The following PISD variants were observed in gnomAD, a reference collection of about 807,000 sequenced individuals.
PISD encodes the protein phosphatidylserine decarboxylase.
Under a neutral mutation model 43.5 loss-of-function variants are expected in PISD, and 31 were observed. That is an observed-to-expected ratio of 0.71 (90% CI 0.54 to 0.96). PISD has a LOEUF of 0.96. PISD is among the 40% of genes least tolerant of loss of function. The probability of loss-of-function intolerance (pLI) is 0.00; values close to 1 mark genes in which losing one functional copy is unlikely to be tolerated. For missense variants in PISD, 523 were observed against 548.4 expected, an observed-to-expected ratio of 0.95 and a Z score of 0.46; for synonymous variants, 259 against 228.7, an observed-to-expected ratio of 1.13 and a Z score of -1.20.
At chr22:31,650,907 C>T in intron 1 of PISD, 129 bp from the exon 2 acceptor site, 1 of 559,808 alleles carries the variant, frequency 1.8e-6, no homozygotes, top group Non-Finnish European at 3.2e-6. Context: ...GACAACTGTA[C>T]TGTAGATAAG....
Position 31,630,769 on chromosome 22 carries a change from C to G in PISD, c.322-8884G>C. The G allele has an allele frequency of 1.0e-6, 1 of 985,600 alleles. No individual in the cohort carries two copies. Among genetic ancestry groups the G allele is most frequent in the African/African-American group, 1.7e-5 (1 of 57,358 alleles). 61.1% of individuals were successfully genotyped at this position (985,600 alleles called of 1,614,324 possible). ...CTCCCTGAGAAGTCACCTGGGGCTC[C>G]CGGCAGGGCCGGGGCGCCGGCTCCG... is the stretch of plus-strand genomic sequence containing the variant. On this transcript the variant is annotated intron_variant, in intron 3 of 7. Coordinates refer to ENST00000439502, the MANE Select transcript of PISD (RefSeq NM_001326411.2). The surrounding 1 kb of genome is among the most constrained non-coding windows in gnomAD (Gnocchi z 4.4).
Position 31,619,493 on chromosome 22 carries a change from A to T in PISD, c.*119T>A, listed in dbSNP as rs555286659. 6.0e-5 allele frequency: 46 copies of T among 766,736 alleles called. No individual in the cohort carries two copies. Among genetic ancestry groups the T allele is most frequent in the Non-Finnish European group, 1.0e-4 (44 of 434,432 alleles). 47.5% of individuals were successfully genotyped at this position (766,736 alleles called of 1,614,324 possible). The stretch of plus-strand genomic sequence containing the variant: ...CGAATCATTCAAGTCCTACCTGGTC[A>T]GACTCCCAACCACGCTGAGGCAGGC... On this transcript the variant is annotated 3_prime_UTR_variant, in exon 8 of 8. Transcript: ENST00000439502.
At chr22:31,622,569 C>G (rs529945588) in intron 3 of PISD, among the ~76,000 whole-genome samples, 42 of 152,312 alleles carry the variant, frequency 2.8e-4, no homozygotes, top group African/African-American at 9.4e-4. Context: ...CTTGGCCCCA[C>G]GGCAGGACTT....
At chr22:31,651,372 G>A (rs974744701) in intron 1 of PISD, among the ~76,000 whole-genome samples, 1 of 152,228 alleles carries the variant, frequency 6.6e-6, no homozygotes, top group Admixed American at 6.5e-5. Flanking sequence ...AACAGAGATG[G>A]AAGATGATAA....
At chr22:31,625,589 G>A in intron 3 of PISD, 1 of 718,786 alleles carries the variant, frequency 1.4e-6, no homozygotes, top group Non-Finnish European at 2.3e-6. Context: ...ACCTGAAGCG[G>A]GCTCTCCGAC....
intron 3 of PISD, among the ~76,000 whole-genome samples, chr22:31,636,004 A>G (rs2073418959): frequency 6.6e-6 from 1 of 152,264 alleles, no homozygotes; most frequent in African/African-American, 2.4e-5. Context: ...TTATGAGGGC[A>G]TGAATGGCCC....
rs2073888673 is a variant in PISD, at chr22:31,646,398, A to C, written c.321+1703T>G. On this transcript the variant is annotated intron_variant, in intron 3 of 7. Coordinates refer to ENST00000439502, the MANE Select transcript of PISD (RefSeq NM_001326411.2). ...TGTCACTTTCCAGGCCCTGGGACTT[A>C]TGAGTTAATCAACCCTGTCCTCTTT... Among the ~76,000 whole-genome samples, 3 of 152,186 alleles carry C rather than the reference A, an allele frequency of 2.0e-5. 1 individual carries two copies. Among genetic ancestry groups the C allele is most frequent in the Admixed American group, 2.0e-4 (3 of 15,256 alleles).
At chr22:31,656,030 A>G (rs968454296) in intron 1 of PISD, among the ~76,000 whole-genome samples, 1 of 151,428 alleles carries the variant, frequency 6.6e-6, no homozygotes. Context: ...TCAGTGGCTC[A>G]CGCCTGTAAT....
intron 2 of PISD, 47 bp from the exon 3 acceptor site, chr22:31,648,323 G>T: frequency 6.6e-7 from 1 of 1,517,246 alleles, no homozygotes. Context: ...ACAGGAATAG[G>T]GAAGAGTCAT....
intron 3 of PISD, among the ~76,000 whole-genome samples, chr22:31,644,585 A>C (rs1227682287): frequency 6.6e-6 from 1 of 152,176 alleles, no homozygotes; most frequent in Non-Finnish European, 1.5e-5. Context: ...GATATCAGCT[A>C]CATTTGGAAA....
chr22:31,626,493 G>A (rs189342694), intron 3 of PISD, among the ~76,000 whole-genome samples: 4,674 of 152,258 alleles, frequency 0.031, 86 homozygotes, highest in Non-Finnish European at 0.047. Flanking sequence ...CATCTTACCT[G>A]CTCTGGCTCT....
chr22:31,626,837 G>C (rs1204681029), intron 3 of PISD, among the ~76,000 whole-genome samples: 3 of 152,062 alleles, frequency 2.0e-5, no homozygotes, highest in Non-Finnish European at 4.4e-5. Flanking sequence ...CAGGATATGG[G>C]CTGACAGGGA....
chr22:31,653,050 A>C (rs1037530226), intron 1 of PISD, among the ~76,000 whole-genome samples: 1 of 151,458 alleles, frequency 6.6e-6, no homozygotes, highest in Non-Finnish European at 1.5e-5. Flanking sequence ...AAAAAAAAAA[A>C]AAAAAAAAAC....
intron 3 of PISD, chr22:31,638,701 G>T: frequency 3.6e-6 from 3 of 825,660 alleles, no homozygotes; most frequent in Non-Finnish European, 2.9e-6. Flanking sequence ...TGCCCAGGCT[G>T]CTCTCAAACT....
At chr22:31,660,380 C>T (rs751458188) in intron 1 of PISD, among the ~76,000 whole-genome samples, 8 of 152,120 alleles carry the variant, frequency 5.3e-5, no homozygotes, top group Non-Finnish European at 7.3e-5. Flanking sequence ...AGGTGGACTG[C>T]GATGGCTCAC....
intron 1 of PISD, among the ~76,000 whole-genome samples, chr22:31,658,715 C>T (rs1443994059): frequency 6.6e-6 from 1 of 151,830 alleles, no homozygotes; most frequent in Non-Finnish European, 1.5e-5. Context: ...CCATTTTTTG[C>T]GGAGAGGAGG....
At chr22:31,649,919 T>C (rs374701571) in intron 2 of PISD, among the ~76,000 whole-genome samples, 5 of 151,978 alleles carry the variant, frequency 3.3e-5, no homozygotes, top group African/African-American at 4.8e-5. Flanking sequence ...ATGCCAGAGA[T>C]TGCCAGCAAA....
At chr22:31,655,329 T>C (rs115800295) in intron 1 of PISD, among the ~76,000 whole-genome samples, 1,798 of 150,438 alleles carry the variant, frequency 0.012, 38 homozygotes, top group African/African-American at 0.042. Flanking sequence ...TTTTTTTTTT[T>C]CCCAGAGATG....
At chr22:31,629,093 C>T in intron 3 of PISD, 1 of 985,432 alleles carries the variant, frequency 1.0e-6, no homozygotes, top group African/African-American at 1.7e-5. Flanking sequence ...GTGTCCCCAC[C>T]CGTCCCTCAC....
Sources: allele counts gnomAD v4.1 joint callset (sites outside exome capture counted in the v4.1 genomes callset), GRCh38; gene constraint gnomAD v4.1.1; non-coding constraint Gnocchi (gnomAD v3.1); transcripts MANE v1.5; gene names NCBI Gene and HGNC (gene_info 2026-07-23, HGNC 2026-07-21).